The following NUDCD1 variants were observed in gnomAD, a reference collection of about 807,000 sequenced individuals.
NUDCD1 encodes the protein NudC domain containing 1.
In NUDCD1, 60 loss-of-function variants were observed where a neutral mutation model predicts 67.8. The observed-to-expected ratio is 0.88, with a 90% confidence interval of 0.72 to 1.10. The LOEUF (loss-of-function observed/expected upper bound fraction) is 1.10, where lower values mean the gene tolerates loss of function less well. Ranked by LOEUF, NUDCD1 falls within the 50% of genes least tolerant of loss-of-function variation. The pLI is 0.00. For synonymous variants in NUDCD1, 244 were observed against 230.8 expected, an observed-to-expected ratio of 1.06 and a Z score of -0.52; for missense variants, 643 against 695.0, an observed-to-expected ratio of 0.93 and a Z score of 0.84.
intron 8 of NUDCD1, among the ~76,000 whole-genome samples, chr8:109,247,419 G>A (rs1270782741): frequency 2.0e-5 from 3 of 152,176 alleles, no homozygotes; most frequent in Admixed American, 6.5e-5. Context: ...AGTGAGAAAA[G>A]AATAGAGGAC....
At chr8:109,250,798 C>CT (rs1813606494) in intron 8 of NUDCD1, among the ~76,000 whole-genome samples, 1 of 152,118 alleles carries the variant, frequency 6.6e-6, no homozygotes, top group African/African-American at 2.4e-5. Flanking sequence ...AAAATCAGCT[C>CT]TGAGTTCCCA....
chr8:109,295,513 T>C (rs1444661171), intron 3 of NUDCD1, among the ~76,000 whole-genome samples: 1 of 152,198 alleles, frequency 6.6e-6, no homozygotes, highest in Admixed American at 6.6e-5. Flanking sequence ...TATAATTTGG[T>C]AGTATAACAT....
At chr8:109,282,244 G>A (rs772466031) in intron 5 of NUDCD1, among the ~76,000 whole-genome samples, 1 of 152,162 alleles carries the variant, frequency 6.6e-6, no homozygotes, top group Non-Finnish European at 1.5e-5. Context: ...CATTGCCTGA[G>A]GCAATAGAGA....
chr8:109,244,905 T>G (rs1813458375), intron 9 of NUDCD1, among the ~76,000 whole-genome samples: 2 of 152,198 alleles, frequency 1.3e-5, no homozygotes, highest in African/African-American at 2.4e-5. Flanking sequence ...ACAAAAGATG[T>G]CTCCTAATGT....
In NUDCD1 at chr8:109,283,488, C is replaced by T. The variant is rs1330362042; in HGVS notation, c.824-2316G>A. On this transcript the variant is annotated intron_variant, in intron 5 of 9. Coordinates refer to ENST00000239690, the MANE Select transcript of NUDCD1 (RefSeq NM_032869.4). ...ATGAAGATCACCAAGGCATATAGCA[C>T]TAGACTGTCCAAGGTCAACACTAAA... Among the ~76,000 whole-genome samples, 7 of 152,130 alleles carry T rather than the reference C, an allele frequency of 4.6e-5. No homozygotes were observed. In the East Asian group the frequency reaches 1.2e-3, roughly 25 times the overall value.
chr8:109,316,229 A>G (rs1437894540), intron 2 of NUDCD1: 3 of 152,236 alleles, frequency 2.0e-5, no homozygotes, highest in Non-Finnish European at 4.4e-5. Flanking sequence ...CTACTTCCTT[A>G]GCACACTTCT....
intron 8 of NUDCD1, among the ~76,000 whole-genome samples, chr8:109,262,879 C>T (rs898509798): frequency 1.3e-5 from 2 of 151,604 alleles, no homozygotes; most frequent in Non-Finnish European, 2.9e-5. Context: ...CATGGTGAAA[C>T]CTTGTCCCTA....
At chr8:109,281,219 G>T in intron 5 of NUDCD1, 47 bp from the exon 6 acceptor site, 2 of 1,226,342 alleles carry the variant, frequency 1.6e-6, no homozygotes, top group East Asian at 2.3e-5. Context: ...ATTAGAGAAA[G>T]CATACACACA....
intron 2 of NUDCD1, among the ~76,000 whole-genome samples, chr8:109,320,753 A>G (rs910415179): frequency 6.6e-6 from 1 of 152,230 alleles, no homozygotes; most frequent in African/African-American, 2.4e-5. Flanking sequence ...AAGAAATTAC[A>G]AAAGTATTAA....
At position 109,241,794 on chromosome 8, in the gene NUDCD1, T is replaced by A. The variant is rs2129837758; in HGVS notation, c.*1215A>T. ...TTAGGAACAAAGCTTTTCTATCTTA[T>A]ATTTCTTATCTTAATCTTCTGCCTC... On this transcript the variant is annotated 3_prime_UTR_variant, in exon 10 of 10. Transcript: ENST00000239690. 3.3e-6 allele frequency: 1 copy of A among 303,252 alleles called. No individual in the cohort carries two copies. Among genetic ancestry groups the A allele is most frequent in the East Asian group, 5.3e-5 (1 of 18,906 alleles). The allele number at this position is 303,252 out of a possible 1,614,324, so 18.8% of individuals were successfully genotyped here. A position where few individuals can be genotyped will look rare whatever the true frequency, so the allele number is the denominator to read the frequency against.
At chr8:109,297,115 C>A (rs933154147) in intron 2 of NUDCD1, among the ~76,000 whole-genome samples, 10 of 152,176 alleles carry the variant, frequency 6.6e-5, no homozygotes, top group African/African-American at 2.4e-4. Flanking sequence ...TTTCAAGTCA[C>A]TAAGTTTTGA....
chr8:109,317,222 T>C (rs960761962), intron 2 of NUDCD1, among the ~76,000 whole-genome samples: 1 of 151,944 alleles, frequency 6.6e-6, no homozygotes, highest in Non-Finnish European at 1.5e-5. Flanking sequence ...GCACTGAAAA[T>C]GATAATAGAG....
intron 7 of NUDCD1, among the ~76,000 whole-genome samples, chr8:109,273,948 C>T (rs993325876): frequency 1.3e-5 from 2 of 152,064 alleles, no homozygotes; most frequent in African/African-American, 4.8e-5. Flanking sequence ...TCAAATTCAG[C>T]AATATGTAAA....
chr8:109,288,473 T>A (rs866093810), intron 5 of NUDCD1, among the ~76,000 whole-genome samples: 1 of 152,202 alleles, frequency 6.6e-6, no homozygotes. Flanking sequence ...CAGGAAAGGA[T>A]CTTAGAGATA....
At chr8:109,255,742 A>G (rs2129895821) in intron 8 of NUDCD1, among the ~76,000 whole-genome samples, 1 of 152,106 alleles carries the variant, frequency 6.6e-6, no homozygotes, top group South Asian at 2.1e-4. Flanking sequence ...TTAATAGGGG[A>G]CAAAAGACAA....
chr8:109,247,275 AAATAC>A (rs1332032526), intron 8 of NUDCD1, among the ~76,000 whole-genome samples: 5 of 152,192 alleles, frequency 3.3e-5, no homozygotes, highest in Non-Finnish European at 5.9e-5. Context: ...AGCTAAAATA[AAATAC>A]AAGTTGAAAC....
At chr8:109,252,177 G>A (rs750732540) in intron 8 of NUDCD1, among the ~76,000 whole-genome samples, 1 of 152,092 alleles carries the variant, frequency 6.6e-6, no homozygotes, top group Non-Finnish European at 1.5e-5. Flanking sequence ...GGGGGATGTG[G>A]GTTGGGGAGT....
chr8:109,278,221 C>A (rs1197350243), intron 6 of NUDCD1, among the ~76,000 whole-genome samples: 1 of 152,096 alleles, frequency 6.6e-6, no homozygotes. Context: ...ATTCATTAAT[C>A]CATCACTGAA....
chr8:109,328,218 G>C (rs1230545383), intron 1 of NUDCD1, among the ~76,000 whole-genome samples: 3 of 152,168 alleles, frequency 2.0e-5, no homozygotes, highest in Admixed American at 6.5e-5. Flanking sequence ...ACAAAGAAGG[G>C]AAAGTGAGGT....
Sources: allele counts gnomAD v4.1 joint callset (sites outside exome capture counted in the v4.1 genomes callset), GRCh38; gene constraint gnomAD v4.1.1; transcripts MANE v1.5; gene names NCBI Gene and HGNC (gene_info 2026-07-23, HGNC 2026-07-21).